Variants in CDKL3 observed in about 807,000 individuals in gnomAD.
CDKL3 encodes cyclin dependent kinase like 3, also known as cyclin-dependent kinase-like 3.
A neutral mutation model predicts 69.3 loss-of-function variants in CDKL3; 65 were observed. That is an observed-to-expected ratio of 0.94 (90% CI 0.77 to 1.15). CDKL3 has a LOEUF of 1.15. Ranked by LOEUF, CDKL3 falls within the 50% of genes most tolerant of loss-of-function variation. The pLI is 0.00. For synonymous variants in CDKL3, 202 were observed against 221.6 expected (o/e 0.91, Z 0.79); for missense variants, 652 against 689.2 (o/e 0.95, Z 0.61).
chr5:134,364,400 T>C (rs980761669), intron 2 of CDKL3, among the ~76,000 whole-genome samples: 4 of 152,232 alleles, frequency 2.6e-5, no homozygotes, highest in Admixed American at 2.0e-4. Context: ...ATTGAAGTAC[T>C]TCCCAAACCA....
At chr5:134,314,439 T>C (rs1770449821) in intron 6 of CDKL3, among the ~76,000 whole-genome samples, 1 of 152,208 alleles carries the variant, frequency 6.6e-6, no homozygotes. Context: ...GCCATTCTGT[T>C]CTTAGATATT....
upstream of CDKL3, among the ~76,000 whole-genome samples, chr5:134,369,665 G>A (rs537751939): frequency 5.9e-5 from 9 of 152,162 alleles, no homozygotes; most frequent in East Asian, 1.9e-4. Context: ...CAACTTCCTC[G>A]TCTCAAGCGA....
At chr5:134,356,405 G>T (rs1754627836) in intron 3 of CDKL3, among the ~76,000 whole-genome samples, 1 of 152,198 alleles carries the variant, frequency 6.6e-6, no homozygotes, top group African/African-American at 2.4e-5. Flanking sequence ...GAATGGTATT[G>T]GTTGTGGCCC....
At chr5:134,319,221 C>G in intron 6 of CDKL3, 137 bp downstream of exon 6, 1 of 600,382 alleles carries the variant, frequency 1.7e-6, no homozygotes, top group Non-Finnish European at 2.6e-6. Flanking sequence ...ATCCCAACTA[C>G]TCGGAAGGCT....
chr5:134,355,715 AAT>A (rs1296849611), intron 3 of CDKL3, among the ~76,000 whole-genome samples: 3 of 152,198 alleles, frequency 2.0e-5, no homozygotes, highest in Non-Finnish European at 4.4e-5. Context: ...CATATCCATA[AAT>A]ATATGTTATC....
chr5:134,356,980 A>G (rs982310297), intron 3 of CDKL3, among the ~76,000 whole-genome samples: 4 of 152,124 alleles, frequency 2.6e-5, no homozygotes, highest in African/African-American at 9.7e-5. Context: ...CTGTACTACT[A>G]TATCGTTTGT....
intron 8 of CDKL3, among the ~76,000 whole-genome samples, chr5:134,287,500 G>C (rs929189028): frequency 6.6e-5 from 10 of 152,166 alleles, no homozygotes; most frequent in Admixed American, 1.3e-4. Context: ...ACTTCACGTG[G>C]TCAAAGGACT....
At chr5:134,325,231 T>C (rs1335663461) in intron 4 of CDKL3, among the ~76,000 whole-genome samples, 1 of 152,166 alleles carries the variant, frequency 6.6e-6, no homozygotes, top group African/African-American at 2.4e-5. Flanking sequence ...ACTATGTATA[T>C]AGTATGTTCC....
intron 4 of CDKL3, among the ~76,000 whole-genome samples, chr5:134,333,655 G>A (rs910232817): frequency 2.6e-5 from 4 of 152,216 alleles, no homozygotes; most frequent in Non-Finnish European, 5.9e-5. Context: ...GCATCCCAGG[G>A]ATGAAGCTGA....
chr5:134,360,131 A>G (rs1057066508), intron 2 of CDKL3, 40 bp from the exon 3 acceptor site: 2 of 1,345,240 alleles, frequency 1.5e-6, no homozygotes, highest in Admixed American at 2.4e-5. Flanking sequence ...TAATTATTTC[A>G]AGCCTAACAA....
chr5:134,350,791 G>C (rs1753054532), intron 3 of CDKL3, among the ~76,000 whole-genome samples: 1 of 145,674 alleles, frequency 6.9e-6, no homozygotes, highest in Admixed American at 7.0e-5. Flanking sequence ...ACCAGCCTGG[G>C]TAACAGAGTG....
intron 11 of CDKL3, among the ~76,000 whole-genome samples, chr5:134,304,054 T>G (rs1473874818): frequency 6.6e-6 from 1 of 151,826 alleles, no homozygotes; most frequent in African/African-American, 2.4e-5. Flanking sequence ...TACCTCAGCC[T>G]CTGGAGTAGC....
chr5:134,308,192 T>C lies in CDKL3; in HGVS notation c.1310A>G (p.Asn437Ser). ...GAGATTTGCAGCCATCAAATTACTGTTAGTTAGATTGATGGGTGGCATTGT... is the reference window on the plus strand; with the variant it reads ...GAGATTTGCAGCCATCAAATTACTGCTAGTTAGATTGATGGGTGGCATTGT... ...SVTMPPINLT[N>S]SNLMAANLSS... The change falls in exon 9 of 13, where the codon AAC becomes AGC. Residue 437 changes from asparagine (N) to serine (S), a missense_variant. Transcript: ENST00000265334. 1.2e-6 allele frequency: 2 copies of C among 1,613,858 alleles called. No individual in the cohort carries two copies. The highest frequency in any genetic ancestry group is 8.5e-7 in the Non-Finnish European group (1 of 1,179,828).
At chr5:134,357,936 G>C (rs924853422) in intron 3 of CDKL3, among the ~76,000 whole-genome samples, 2 of 152,104 alleles carry the variant, frequency 1.3e-5, no homozygotes, top group African/African-American at 4.8e-5. Flanking sequence ...TCAATGGGCT[G>C]GATGTGGTGG....
chr5:134,343,453 C>A (rs1020689560), intron 4 of CDKL3, among the ~76,000 whole-genome samples: 2 of 152,172 alleles, frequency 1.3e-5, no homozygotes, highest in Non-Finnish European at 2.9e-5. Flanking sequence ...TAGTTTAACA[C>A]AAAGACAGTA....
In CDKL3 at chr5:134,304,629, C is replaced by T. The variant is rs1035969807; in HGVS notation, c.1459-62G>A. ...TCTAACTATTTGTAGAATGACAATC[C>T]TAGAATTGCTAGCCATTTGGATGGT... On this transcript the variant is annotated intron_variant, in intron 10 of 12. Coordinates refer to ENST00000265334, the MANE Select transcript of CDKL3 (RefSeq NM_001113575.2). The T allele has an allele frequency of 7.5e-6, 10 of 1,331,458 alleles. No homozygotes were observed. In the Admixed American group the frequency reaches 2.2e-4, roughly 29 times the overall value. The allele number at this position is 1,331,458 out of a possible 1,614,324, so 82.5% of individuals were successfully genotyped here.
At chr5:134,287,853 T>C (rs557942052) in intron 8 of CDKL3, among the ~76,000 whole-genome samples, 1 of 151,706 alleles carries the variant, frequency 6.6e-6, no homozygotes, top group South Asian at 2.1e-4. Flanking sequence ...AACCAGTAAC[T>C]CATCTTCTCG....
At chr5:134,306,816 A>G in intron 9 of CDKL3, 114 bp from the exon 10 acceptor site, 1 of 580,498 alleles carries the variant, frequency 1.7e-6, no homozygotes, top group Non-Finnish European at 2.8e-6. Context: ...GTGCAGTGTC[A>G]TGATCTTGGC....
chr5:134,328,336 A>G (rs910032457), intron 4 of CDKL3, among the ~76,000 whole-genome samples: 3 of 152,254 alleles, frequency 2.0e-5, no homozygotes, highest in African/African-American at 7.2e-5. Flanking sequence ...AATTACATGT[A>G]TATATGTATA....
Sources: allele counts gnomAD v4.1 joint callset (sites outside exome capture counted in the v4.1 genomes callset), GRCh38; gene constraint gnomAD v4.1.1; transcripts MANE v1.5; gene names NCBI Gene and HGNC (gene_info 2026-07-23, HGNC 2026-07-21).